SFMBT1: variants seen among roughly 807,000 people sequenced by gnomAD.
SFMBT1 encodes the protein Scm like with four mbt domains 1.
In SFMBT1, 32 loss-of-function variants were observed where a neutral mutation model predicts 108.7. The observed-to-expected ratio is 0.29, with a 90% CI of 0.22 to 0.40. The LOEUF (loss-of-function observed/expected upper bound fraction) is 0.40, where lower values mean the gene tolerates loss of function less well. Among genes scored for constraint, SFMBT1 ranks in the 10% least tolerant of loss-of-function variants. The pLI is 1.00. For missense variants in SFMBT1, 816 were observed against 1,059.6 expected (o/e 0.77, Z 3.19); for synonymous variants, 348 against 369.5 (o/e 0.94, Z 0.67).
At chr3:52,988,535 T>C (rs1312294727) in intron 1 of SFMBT1, among the ~76,000 whole-genome samples, 1 of 152,064 alleles carries the variant, frequency 6.6e-6, no homozygotes, top group Admixed American at 6.6e-5. Flanking sequence ...ACTGAGCCAA[T>C]ACCTAAGAGG....
At chr3:52,974,481 T>C (rs1426040168) in intron 1 of SFMBT1, among the ~76,000 whole-genome samples, 1 of 152,328 alleles carries the variant, frequency 6.6e-6, no homozygotes, top group Admixed American at 6.5e-5. Context: ...GTTTTATTTG[T>C]CTATCTAAAT....
intron 1 of SFMBT1, among the ~76,000 whole-genome samples, chr3:52,999,384 G>A (rs964472846): frequency 2.0e-5 from 3 of 150,588 alleles, no homozygotes; most frequent in South Asian, 2.1e-4. Flanking sequence ...CCACCCACGC[G>A]CCACAGCAAG....
intron 4 of SFMBT1, among the ~76,000 whole-genome samples, chr3:52,942,451 A>T (rs1703214764): frequency 6.6e-6 from 1 of 152,228 alleles, no homozygotes. Context: ...TGATTCTCAT[A>T]ACTTTTTGGT....
At chr3:53,012,072 G>A (rs1245552201) in intron 1 of SFMBT1, among the ~76,000 whole-genome samples, 1 of 152,136 alleles carries the variant, frequency 6.6e-6, no homozygotes, top group African/African-American at 2.4e-5. Context: ...ATTAAATACA[G>A]AAAAAATTGA....
At position 52,904,947 on chromosome 3, in the gene SFMBT1, A is replaced by T; in HGVS notation, c.*189T>A. On this transcript the variant is annotated 3_prime_UTR_variant, in exon 21 of 21. Transcript: ENST00000394752. ...AAGAGATGTCCACATTTCCACCAGC[A>T]GGTGATCCACTTCTGTGCACAGTTT... 1 of 556,382 alleles carries T rather than the reference A, an allele frequency of 1.8e-6. No homozygotes were observed. The allele number at this position is 556,382 out of a possible 1,614,324, so 34.5% of individuals were successfully genotyped here.
At chr3:53,040,359 T>C (rs932049404) in intron 1 of SFMBT1, among the ~76,000 whole-genome samples, 3 of 152,192 alleles carry the variant, frequency 2.0e-5, no homozygotes, top group Admixed American at 6.5e-5. Flanking sequence ...CTGAGGCATT[T>C]TAGTAATTGC....
At chr3:53,044,413 T>C (rs1406054865) in intron 1 of SFMBT1, among the ~76,000 whole-genome samples, 2 of 152,132 alleles carry the variant, frequency 1.3e-5, no homozygotes, top group South Asian at 2.1e-4. Flanking sequence ...AACAGAACTG[T>C]TTCCTGATCT....
intron 3 of SFMBT1, among the ~76,000 whole-genome samples, chr3:52,953,629 T>G (rs9311485): frequency 0.67 from 101,626 of 152,026 alleles, 34,839 homozygotes; most frequent in Non-Finnish European, 0.76. Flanking sequence ...GTCATACTTA[T>G]GTTCTGCTCA....
At chr3:53,025,411 C>T (rs999181910) in intron 1 of SFMBT1, among the ~76,000 whole-genome samples, 2 of 152,044 alleles carry the variant, frequency 1.3e-5, no homozygotes, top group African/African-American at 4.8e-5. Context: ...AATTTGAGAC[C>T]AGCCTGGGCA....
intron 1 of SFMBT1, among the ~76,000 whole-genome samples, chr3:53,036,860 G>A (rs367893227): frequency 1.3e-3 from 191 of 152,290 alleles, no homozygotes; most frequent in African/African-American, 4.1e-3. Flanking sequence ...GGTGGCTTAC[G>A]GGGCCACAGA....
At position 52,906,241 on chromosome 3, in the gene SFMBT1, C is replaced by T. The variant is rs1490239550; in HGVS notation, c.2332G>A (p.Glu778Lys). ...CTTTCAGCAACTTCGATCCTTATTT[C>T]CTTCATTCCCCACAACACAATCAAA... is the stretch of plus-strand genomic sequence containing the variant. ...DDENKPPSPKEIRIEVAERLH... is the reference protein window; with the variant it reads ...DDENKPPSPKKIRIEVAERLH... Residue 778 changes from glutamate to lysine, a missense_variant and splice_region_variant, in exon 20 of 21, where the codon GAA becomes AAA. This residue lies in a region of SFMBT1 where 177 missense variants were observed against 182.0 expected (regional missense o/e 0.97). Coordinates refer to ENST00000394752, the MANE Select transcript of SFMBT1 (RefSeq NM_016329.4). 6.2e-7 allele frequency: 1 copy of T among 1,614,028 alleles called. No individual in the cohort carries two copies. The highest frequency in any genetic ancestry group is 1.3e-5 in the African/African-American group (1 of 75,044).
chr3:52,984,204 G>C (rs1354259122), intron 1 of SFMBT1, among the ~76,000 whole-genome samples: 3 of 152,186 alleles, frequency 2.0e-5, no homozygotes, highest in African/African-American at 7.2e-5. Context: ...GAGCTTCAGT[G>C]CAAAATAGGG....
At chr3:52,945,017 T>C (rs1269360070) in intron 3 of SFMBT1, among the ~76,000 whole-genome samples, 1 of 151,556 alleles carries the variant, frequency 6.6e-6, no homozygotes, top group African/African-American at 2.4e-5. Flanking sequence ...TTGCCCAGGC[T>C]GGTCTCAAAT....
intron 19 of SFMBT1, 37 bp from the exon 20 acceptor site, chr3:52,906,278 T>C: frequency 6.2e-7 from 1 of 1,613,308 alleles, no homozygotes; most frequent in Non-Finnish European, 8.5e-7. Flanking sequence ...CAAATGGTGT[T>C]ACGGCTATTT....
rs1703163356 is a variant in SFMBT1 at position 52,941,013 on chromosome 3, A to C, written c.364+2340T>G. ...AGAATGACTGGCCTGTACTCTTCAA[A>C]AATGTCAAGTTCAAAAAAGAAAAAC... On this transcript the variant is annotated intron_variant, in intron 4 of 20. Transcript: ENST00000394752. 3.3e-5 allele frequency among the ~76,000 whole-genome samples: 5 copies of C among 152,230 alleles called. No individual in the cohort carries two copies. In the South Asian group the frequency reaches 1.0e-3, roughly 31 times the overall value.
chr3:52,906,604 AG>A (rs2106756169), intron 19 of SFMBT1, among the ~76,000 whole-genome samples: 1 of 152,352 alleles, frequency 6.6e-6, no homozygotes, highest in South Asian at 2.1e-4. Context: ...ATTCTTAAAA[AG>A]CAATCTAGTT....
At position 52,930,335 on chromosome 3, in the gene SFMBT1, A is replaced by C; in HGVS notation, c.891T>G (p.Val297=). The C allele has an allele frequency of 1.3e-6, 2 of 1,590,896 alleles. No individual in the cohort carries two copies. The highest frequency in any genetic ancestry group is 2.7e-5 in the African/African-American group (2 of 74,522). ...AGAGTTATCTCCATTTTACCTTAAC[A>C]ACTGTAGCAGGAGAGATCCCAAAAG... The part of the protein sequence containing the change: ...WSPFGISPAT[V]VKVFDEKYFL... Residue 297 remains valine (V), a synonymous_variant, in exon 8 of 21, where the codon GTT becomes GTG. Transcript: ENST00000394752.
At chr3:52,989,981 T>A (rs1379426074) in intron 1 of SFMBT1, among the ~76,000 whole-genome samples, 2 of 152,316 alleles carry the variant, frequency 1.3e-5, no homozygotes, top group East Asian at 3.9e-4. Flanking sequence ...TACTAATGTC[T>A]CCTTCAAAGG....
chr3:52,975,237 G>A (rs912049338), intron 1 of SFMBT1, among the ~76,000 whole-genome samples: 2 of 152,182 alleles, frequency 1.3e-5, no homozygotes, highest in Admixed American at 1.3e-4. Flanking sequence ...AAATTGTTAA[G>A]TAAAATATAG....
Sources: gnomAD v4.1 joint callset for allele counts (sites outside exome capture counted in the v4.1 genomes callset) on GRCh38, gnomAD v4.1.1 for gene constraint, gnomAD v4.1.1 regional missense constraint, MANE v1.5 for transcripts, NCBI Gene and HGNC (gene_info 2026-07-23, HGNC 2026-07-21) for gene names.